GNPAT: variants seen among roughly 807,000 people sequenced by gnomAD.
GNPAT encodes the protein glyceronephosphate O-acyltransferase.
GNPAT carries 30 observed loss-of-function variants against 78.4 expected under a neutral mutation model. That is an observed-to-expected ratio of 0.38 (90% CI 0.29 to 0.52). The LOEUF is 0.52. Ranked by LOEUF, GNPAT falls within the 20% of genes least tolerant of loss-of-function variation. The probability of loss-of-function intolerance (pLI) is 0.84; values close to 1 mark genes in which losing one functional copy is unlikely to be tolerated. For missense variants in GNPAT, 714 were observed against 812.2 expected (o/e 0.88, Z 1.47); for synonymous variants, 271 against 281.1 (o/e 0.96, Z 0.36).
rs567835237 is a variant in GNPAT, at chr1:231,248,403, G to A, written c.79-2558G>A. On this transcript the variant is annotated intron_variant, in intron 1 of 15. Transcript: ENST00000366647. ...GGAGGAGGAGGAAGAGGAGGGGTTG[G>A]ATTTGCCCTCTCAGGAGTGGCAGAA... Among the ~76,000 whole-genome samples, 4 of 151,970 alleles carry A rather than the reference G, an allele frequency of 2.6e-5. No individual in the cohort carries two copies. In the South Asian group the frequency reaches 8.3e-4, roughly 31 times the overall value.
At chr1:231,260,729 T>A in intron 3 of GNPAT, 46 bp downstream of exon 3, 2 of 1,267,388 alleles carry the variant, frequency 1.6e-6, no homozygotes, top group Non-Finnish European at 2.3e-6. Context: ...AGTCTCATCT[T>A]AAAATTAAAC....
intron 1 of GNPAT, among the ~76,000 whole-genome samples, chr1:231,246,256 G>T (rs1684744307): frequency 6.6e-6 from 1 of 152,174 alleles, no homozygotes; most frequent in Non-Finnish European, 1.5e-5. Flanking sequence ...CTATAACTCA[G>T]AGCTCTCCCA....
At chr1:231,262,956 C>T in intron 4 of GNPAT, 104 bp downstream of exon 4, 2 of 855,564 alleles carry the variant, frequency 2.3e-6, no homozygotes, top group Admixed American at 1.9e-5. Context: ...AATAGCCTCT[C>T]CTCCTTTCTT....
intron 2 of GNPAT, 127 bp downstream of exon 2, chr1:231,251,270 A>T (rs1427065696): frequency 1.6e-6 from 1 of 635,510 alleles, no homozygotes; most frequent in East Asian, 2.6e-5. Flanking sequence ...TTTATCAAAT[A>T]ATTACTGTAT....
At chr1:231,256,653 A>AT (rs1387120016) in intron 2 of GNPAT, among the ~76,000 whole-genome samples, 1 of 151,434 alleles carries the variant, frequency 6.6e-6, no homozygotes, top group Admixed American at 6.6e-5. Flanking sequence ...CGCCCAGCTA[A>AT]TTTTTTGTAT....
At chr1:231,248,836 T>C (rs573111292) in intron 1 of GNPAT, among the ~76,000 whole-genome samples, 2 of 152,342 alleles carry the variant, frequency 1.3e-5, no homozygotes, top group East Asian at 3.9e-4. Flanking sequence ...TACAGTAACA[T>C]GCTGTACAGG....
intron 4 of GNPAT, 87 bp downstream of exon 4, chr1:231,262,939 T>C (rs1236928177): frequency 6.0e-6 from 6 of 997,734 alleles, no homozygotes; most frequent in Non-Finnish European, 9.4e-6. Flanking sequence ...TTGAAGATGA[T>C]GATGAAAATA....
At chr1:231,273,830 A>T in intron 11 of GNPAT, 92 bp from the exon 12 acceptor site, 1 of 956,746 alleles carries the variant, frequency 1.0e-6, no homozygotes, top group Admixed American at 1.8e-5. Context: ...TAGGCAGTGT[A>T]TCCATTAACC....
In GNPAT at chr1:231,265,376, C is replaced by G. The variant is rs1335364900; in HGVS notation, c.652C>G (p.Leu218Val). The G allele has an allele frequency of 3.1e-6, 5 of 1,608,754 alleles. No individual in the cohort carries two copies. The highest frequency in any genetic ancestry group is 2.6e-6 in the Non-Finnish European group (3 of 1,175,144). The stretch of plus-strand genomic sequence containing the variant: ...GCGGCGTACCTTTGGTGGCAATAAA[C>G]TCTACTGGGCTGTATTCTCTGAATA... ...FMRRTFGGNK[L>V]YWAVFSEYVK... Residue 218 changes from leucine (L) to valine (V), a missense_variant, in exon 5 of 16, where the codon CTC (leucine) becomes GTC (valine). Leu to Val is a conservative substitution (Grantham distance 32). Coordinates refer to ENST00000366647, the MANE Select transcript of GNPAT (RefSeq NM_014236.4).
At chr1:231,260,744 A>G in intron 3 of GNPAT, 61 bp downstream of exon 3, 1 of 1,136,102 alleles carries the variant, frequency 8.8e-7, no homozygotes, top group Non-Finnish European at 1.3e-6. Context: ...TTAAACAAAA[A>G]AAAAAACAGT....
chr1:231,271,566 A>G (rs967390342), intron 10 of GNPAT, among the ~76,000 whole-genome samples: 4 of 152,152 alleles, frequency 2.6e-5, no homozygotes, highest in Non-Finnish European at 5.9e-5. Context: ...TGGGCCAGCC[A>G]TTGGTGTTTG....
At chr1:231,257,994 G>A (rs888352426) in intron 2 of GNPAT, among the ~76,000 whole-genome samples, 4 of 152,064 alleles carry the variant, frequency 2.6e-5, no homozygotes, top group African/African-American at 9.7e-5. Context: ...ACCCTTGTTT[G>A]GCTCTGTACC....
At chr1:231,250,234 T>C (rs1684856342) in intron 1 of GNPAT, among the ~76,000 whole-genome samples, 1 of 151,982 alleles carries the variant, frequency 6.6e-6, no homozygotes, top group African/African-American at 2.4e-5. Context: ...ATTACAGGCA[T>C]GAGCCACCAT....
In GNPAT at chr1:231,241,221, C is replaced by A. The variant is rs1379977625; in HGVS notation, c.-158C>A. ...GGGCCCTGCGCGGCTTCCGTCCTGG[C>A]TGAGATGGCGGCGCCCGGGATCCTG... is the stretch of plus-strand genomic sequence containing the variant. On this transcript the variant is annotated 5_prime_UTR_variant, in exon 1 of 16. In the 5' UTR this introduces an upstream ATG that the reference lacks. Transcript: ENST00000366647. 8 of 1,527,506 alleles carry A rather than the reference C, an allele frequency of 5.2e-6. No homozygotes were observed. The highest frequency in any genetic ancestry group is 1.1e-5 in the South Asian group (1 of 88,524). 94.6% of individuals were successfully genotyped at this position (1,527,506 alleles called of 1,614,324 possible).
At chr1:231,247,566 A>T (rs1684782960) in intron 1 of GNPAT, among the ~76,000 whole-genome samples, 1 of 152,184 alleles carries the variant, frequency 6.6e-6, no homozygotes, top group Admixed American at 6.5e-5. Flanking sequence ...ATGGCTAAAT[A>T]TTTCCCAGGT....
chr1:231,262,212 GATTTTTTTT>G (rs1458850137), intron 3 of GNPAT, among the ~76,000 whole-genome samples: 1 of 152,146 alleles, frequency 6.6e-6, no homozygotes, highest in Non-Finnish European at 1.5e-5. Flanking sequence ...TGAATTTGTA[GATTTTTTTT>G]AATCTCTCCA....
chr1:231,270,869 TG>T lies in GNPAT; in HGVS notation c.1393del (p.Val465SerfsTer30). ...AAAGTGGACTCCGGAGACTCGGAAG[TG>T]GTCGATGGGCTTATGCTCCAGCACA... The part of the protein sequence containing the change: ...ILKVDSGDSE[V>X]VDGLMLQHIT... On this transcript the variant is annotated frameshift_variant, in exon 10 of 16. Transcript: ENST00000366647. LOFTEE classifies it high-confidence loss of function. 6.2e-7 allele frequency: 1 copy of T among 1,614,176 alleles called. No individual in the cohort carries two copies.
intron 10 of GNPAT, among the ~76,000 whole-genome samples, chr1:231,271,448 T>C (rs1379954441): frequency 6.6e-6 from 1 of 152,146 alleles, no homozygotes; most frequent in Non-Finnish European, 1.5e-5. Context: ...GTACACGTCA[T>C]GTTCACAGGA....
intron 1 of GNPAT, among the ~76,000 whole-genome samples, chr1:231,250,534 TA>T (rs1558325610): frequency 4.6e-5 from 7 of 152,196 alleles, no homozygotes; most frequent in African/African-American, 1.7e-4. Context: ...TGCACCCATA[TA>T]GTTTTGTTTT....
Sources: gnomAD v4.1 joint callset for allele counts (sites outside exome capture counted in the v4.1 genomes callset) on GRCh38, gnomAD v4.1.1 for gene constraint, MANE v1.5 for transcripts, NCBI Gene and HGNC (gene_info 2026-07-23, HGNC 2026-07-21) for gene names.